GTF2F2: variants seen among roughly 807,000 people sequenced by gnomAD.
GTF2F2 encodes general transcription factor IIF subunit 2.
Under a neutral mutation model 42.2 loss-of-function variants are expected in GTF2F2, and 23 were observed. The ratio of observed to expected loss-of-function variants is 0.55; its 90% CI spans 0.39 to 0.77. GTF2F2 has a LOEUF of 0.77. GTF2F2 is among the 30% of genes least tolerant of loss of function. GTF2F2 has a pLI of 0.00. For missense variants in GTF2F2, 261 were observed against 287.2 expected (o/e 0.91, Z 0.66); for synonymous variants, 105 against 100.8 (o/e 1.04, Z -0.25).
At chr13:45,242,975 A>G (rs1875394305) in intron 5 of GTF2F2, among the ~76,000 whole-genome samples, 1 of 152,162 alleles carries the variant, frequency 6.6e-6, no homozygotes, top group African/African-American at 2.4e-5. Flanking sequence ...ATATGCTACT[A>G]TTATTTTTAT....
At chr13:45,190,700 C>A (rs537379813) in intron 4 of GTF2F2, among the ~76,000 whole-genome samples, 1 of 152,076 alleles carries the variant, frequency 6.6e-6, no homozygotes, top group South Asian at 2.1e-4. Context: ...TTTTTTATCA[C>A]CCTAAAAGTA....
At chr13:45,195,166 A>G (rs1003677370) in intron 4 of GTF2F2, among the ~76,000 whole-genome samples, 2 of 152,196 alleles carry the variant, frequency 1.3e-5, no homozygotes, top group African/African-American at 4.8e-5. Flanking sequence ...TTAACCTGCT[A>G]CTTGTGACAC....
intron 4 of GTF2F2, among the ~76,000 whole-genome samples, chr13:45,191,240 T>TATATATATATATATATATAA (rs1872634783): frequency 7.5e-6 from 1 of 133,916 alleles, no homozygotes; most frequent in Non-Finnish European, 1.5e-5. Context: ...TATATATATA[T>TATATATATATATATATATAA]ATATATATAT....
chr13:45,234,186 A>G (rs1383018522), intron 5 of GTF2F2, among the ~76,000 whole-genome samples: 1 of 152,236 alleles, frequency 6.6e-6, no homozygotes, highest in African/African-American at 2.4e-5. Context: ...ATGATGCAGA[A>G]AACATTTTTA....
chr13:45,140,787 C>T (rs1566111943), intron 2 of GTF2F2, among the ~76,000 whole-genome samples: 1 of 152,112 alleles, frequency 6.6e-6, no homozygotes, highest in African/African-American at 2.4e-5. Context: ...ATGGGAGCCA[C>T]AACCAAGATA....
rs142761810 is a variant in GTF2F2, at chr13:45,243,093, G to T, written c.387-9778G>T. Among the ~76,000 whole-genome samples, 321 of 152,016 alleles carry T rather than the reference G, an allele frequency of 2.1e-3. 3 individuals carry two copies. The highest frequency in any genetic ancestry group is 7.3e-3 in the African/African-American group (303 of 41,496). Reference sequence around the variant, plus strand: ...TAATAATGAAGTACAGTTGTTTCTCGGTATCCCCAGGGGATTGATTCCAGG... The same window carrying T: ...TAATAATGAAGTACAGTTGTTTCTCTGTATCCCCAGGGGATTGATTCCAGG... On this transcript the variant is annotated intron_variant, in intron 5 of 7. Transcript: ENST00000340473.
chr13:45,140,657 GA>G, intron 2 of GTF2F2, among the ~76,000 whole-genome samples: 1 of 152,254 alleles, frequency 6.6e-6, no homozygotes, highest in Non-Finnish European at 1.5e-5. Flanking sequence ...TATTGAAAGA[GA>G]AAAATAATAT....
At chr13:45,271,651 A>G (rs1020278280) in intron 7 of GTF2F2, among the ~76,000 whole-genome samples, 3 of 152,040 alleles carry the variant, frequency 2.0e-5, no homozygotes, top group Non-Finnish European at 4.4e-5. Context: ...TCCCGGGTTC[A>G]AGAAATTCTC....
In GTF2F2 at chr13:45,189,030, TCTC is replaced by T. The variant is rs375966267; in HGVS notation, c.305-18391_305-18389del. Among the ~76,000 whole-genome samples the T allele has an allele frequency of 4.5e-3, 682 of 152,160 alleles. 4 individuals carry two copies. The highest frequency in any genetic ancestry group is 0.016 in the African/African-American group (662 of 41,514). The stretch of plus-strand genomic sequence containing the variant: ...CAACTTGTCATTTACATTAGGTACT[TCTC>T]CTAACGCTATCCCTCCCCGGCTCCC... On this transcript the variant is annotated intron_variant, in intron 4 of 7. Transcript: ENST00000340473.
intron 5 of GTF2F2, among the ~76,000 whole-genome samples, chr13:45,246,918 G>A (rs1241233261): frequency 2.0e-5 from 3 of 151,890 alleles, no homozygotes; most frequent in Non-Finnish European, 4.4e-5. Flanking sequence ...GGCGCCTGTA[G>A]TCCCAGCTAC....
intron 5 of GTF2F2, among the ~76,000 whole-genome samples, chr13:45,236,300 T>C (rs1454528409): frequency 2.0e-5 from 3 of 152,248 alleles, no homozygotes; most frequent in East Asian, 3.9e-4. Context: ...GACTTACTTA[T>C]CTAAATGGGA....
At chr13:45,240,375 A>G (rs1008135129) in intron 5 of GTF2F2, among the ~76,000 whole-genome samples, 2 of 152,030 alleles carry the variant, frequency 1.3e-5, no homozygotes, top group African/African-American at 4.8e-5. Flanking sequence ...TGGAATATAG[A>G]TATATATAGA....
At chr13:45,259,190 G>A (rs764111201) in intron 6 of GTF2F2, among the ~76,000 whole-genome samples, 16 of 152,148 alleles carry the variant, frequency 1.1e-4, no homozygotes, top group Non-Finnish European at 2.2e-4. Flanking sequence ...ACTTTGGGAG[G>A]CCAAGGCAGG....
chr13:45,152,658 G>A (rs554031419), intron 4 of GTF2F2, among the ~76,000 whole-genome samples: 1 of 152,290 alleles, frequency 6.6e-6, no homozygotes, highest in East Asian at 1.9e-4. Context: ...TCTGCGTAGA[G>A]TTTTAAGATT....
intron 5 of GTF2F2, among the ~76,000 whole-genome samples, chr13:45,225,146 G>A (rs1302180167): frequency 6.6e-6 from 1 of 152,160 alleles, no homozygotes; most frequent in East Asian, 1.9e-4. Flanking sequence ...TGACAATTCC[G>A]ATGTAGGTGG....
intron 5 of GTF2F2, among the ~76,000 whole-genome samples, chr13:45,235,518 A>G (rs924014782): frequency 6.6e-6 from 1 of 151,782 alleles, no homozygotes; most frequent in African/African-American, 2.4e-5. Flanking sequence ...TTGAAATGCT[A>G]ATGAAATTAG....
intron 5 of GTF2F2, among the ~76,000 whole-genome samples, chr13:45,216,552 T>C (rs896608848): frequency 6.6e-6 from 1 of 152,176 alleles, no homozygotes; most frequent in African/African-American, 2.4e-5. Context: ...AGTCTTGCTC[T>C]GTCACCCAGG....
intron 1 of GTF2F2, among the ~76,000 whole-genome samples, chr13:45,130,348 G>A (rs1379477232): frequency 6.6e-6 from 1 of 152,214 alleles, no homozygotes; most frequent in Non-Finnish European, 1.5e-5. Context: ...TATTTGTAAA[G>A]TGTTTAGAAA....
At chr13:45,212,451 C>CTTTCTTTCTTTTCTTTTCT (rs1555269183) in intron 5 of GTF2F2, among the ~76,000 whole-genome samples, 2,152 of 71,646 alleles carry the variant, frequency 0.03, 143 homozygotes, top group East Asian at 0.085. Flanking sequence ...TTTCTTGTTT[C>CTTTCTTTCTTTTCTTTTCT]TTTCTTTCTT....
Sources: allele counts gnomAD v4.1 joint callset (sites outside exome capture counted in the v4.1 genomes callset), GRCh38; gene constraint gnomAD v4.1.1; transcripts MANE v1.5; gene names NCBI Gene and HGNC (gene_info 2026-07-23, HGNC 2026-07-21).